DLC1: variants seen among roughly 807,000 people sequenced by gnomAD.
The protein encoded by DLC1 is DLC1 Rho GTPase activating protein.
In DLC1, 54 loss-of-function variants were observed where a neutral mutation model predicts 140.3. The ratio of observed to expected loss-of-function variants is 0.38; its 90% CI spans 0.31 to 0.48. DLC1 has a LOEUF of 0.48. Ranked by LOEUF, DLC1 falls within the 20% of genes least tolerant of loss-of-function variation. DLC1 has a pLI of 0.96. For missense variants in DLC1, 2,536 were observed against 1,907.0 expected (o/e 1.33, Z -6.14); for synonymous variants, 986 against 728.1 (o/e 1.35, Z -5.70).
chr8:13,377,177 T>C (rs1836033103), intron 4 of DLC1, among the ~76,000 whole-genome samples: 1 of 152,216 alleles, frequency 6.6e-6, no homozygotes, highest in Non-Finnish European at 1.5e-5. Context: ...GGGCAGCATC[T>C]TATTTCTGTT....
At chr8:13,424,905 A>G (rs768958714) in intron 2 of DLC1, among the ~76,000 whole-genome samples, 6 of 152,136 alleles carry the variant, frequency 3.9e-5, no homozygotes, top group Non-Finnish European at 5.9e-5. Context: ...ATTTATCGCA[A>G]TCTCTGTGCT....
At chr8:13,226,308 T>C (rs1385866488) in intron 5 of DLC1, among the ~76,000 whole-genome samples, 1 of 152,240 alleles carries the variant, frequency 6.6e-6, no homozygotes, top group East Asian at 1.9e-4. Context: ...CTTTCAGATA[T>C]ATTTTTATAT....
chr8:13,374,441 AAG>A (rs1349800148), intron 4 of DLC1, among the ~76,000 whole-genome samples: 1 of 152,150 alleles, frequency 6.6e-6, no homozygotes, highest in Non-Finnish European at 1.5e-5. Context: ...ATTACATGGC[AAG>A]AGAGTGTATA....
At chr8:13,252,941 C>G (rs775323024) in intron 5 of DLC1, among the ~76,000 whole-genome samples, 1 of 152,152 alleles carries the variant, frequency 6.6e-6, no homozygotes, top group East Asian at 1.9e-4. Flanking sequence ...GAAAGCTAAT[C>G]CTACCCTTCT....
intron 5 of DLC1, among the ~76,000 whole-genome samples, chr8:13,203,581 A>G (rs1827506773): frequency 6.6e-6 from 1 of 152,208 alleles, no homozygotes. Context: ...ACACGTCTGG[A>G]CAGAAGTGTT....
Position 13,085,655 on chromosome 8 carries a change from C to T in DLC1, c.*156G>A. On this transcript the variant is annotated 3_prime_UTR_variant, in exon 18 of 18. Coordinates refer to ENST00000276297, the MANE Select transcript of DLC1 (RefSeq NM_182643.3). Reference sequence around the variant, plus strand: ...CAGACCCTCAACAAACAGGAAGCAGCTTTAAAAATGTATCAAATTGCTATA... The same window carrying T: ...CAGACCCTCAACAAACAGGAAGCAGTTTTAAAAATGTATCAAATTGCTATA... 1.7e-6 allele frequency: 2 copies of T among 1,182,956 alleles called. No individual in the cohort carries two copies. The highest frequency in any genetic ancestry group is 2.3e-6 in the Non-Finnish European group (2 of 866,508). 73.3% of individuals were successfully genotyped at this position (1,182,956 alleles called of 1,614,324 possible).
At chr8:13,175,053 G>A (rs1015406633) in intron 5 of DLC1, among the ~76,000 whole-genome samples, 1 of 152,164 alleles carries the variant, frequency 6.6e-6, no homozygotes, top group African/African-American at 2.4e-5. Flanking sequence ...TACAGTGAAA[G>A]GTAGGGGTCC....
At chr8:13,339,038 G>A (rs973926131) in intron 4 of DLC1, among the ~76,000 whole-genome samples, 3 of 152,128 alleles carry the variant, frequency 2.0e-5, no homozygotes, top group Admixed American at 2.0e-4. Context: ...CTGGTAATAA[G>A]GAAAGGTAAT....
chr8:13,461,903 C>G (rs780862215), intron 2 of DLC1, among the ~76,000 whole-genome samples: 1 of 152,172 alleles, frequency 6.6e-6, no homozygotes, highest in African/African-American at 2.4e-5. Context: ...CTGTGTGATG[C>G]TTCTGTGGAT....
intron 4 of DLC1, among the ~76,000 whole-genome samples, chr8:13,310,491 C>G (rs1018177314): frequency 2.0e-5 from 3 of 152,172 alleles, no homozygotes; most frequent in African/African-American, 7.2e-5. Context: ...AGTGATGGAA[C>G]AGCCTCTGTC....
intron 5 of DLC1, among the ~76,000 whole-genome samples, chr8:13,226,717 C>T (rs1295480829): frequency 6.6e-6 from 1 of 152,144 alleles, no homozygotes; most frequent in South Asian, 2.1e-4. Flanking sequence ...TTTCAGAAAA[C>T]ATCTTTCTCT....
At chr8:13,488,659 T>C (rs189833342) in intron 2 of DLC1, among the ~76,000 whole-genome samples, 74 of 152,330 alleles carry the variant, frequency 4.9e-4, no homozygotes, top group Non-Finnish European at 5.9e-5. Flanking sequence ...GGATCCTCCC[T>C]TAGCCCAAAT....
At chr8:13,402,016 T>C (rs547687074) in intron 2 of DLC1, among the ~76,000 whole-genome samples, 2 of 152,158 alleles carry the variant, frequency 1.3e-5, no homozygotes, top group Non-Finnish European at 2.9e-5. Context: ...GGGATGCATA[T>C]GAGATTATAT....
intron 5 of DLC1, among the ~76,000 whole-genome samples, chr8:13,198,019 G>A (rs949947556): frequency 2.0e-5 from 3 of 151,964 alleles, no homozygotes; most frequent in East Asian, 1.9e-4. Context: ...GGCAGAAACC[G>A]GCTGATAGGT....
chr8:13,589,242 A>G (rs1270107917), intron 1 of DLC1, among the ~76,000 whole-genome samples: 1 of 152,116 alleles, frequency 6.6e-6, no homozygotes, highest in Non-Finnish European at 1.5e-5. Context: ...TTTTAATGTT[A>G]TAATAGAACT....
At chr8:13,152,330 C>T (rs1233651286) in intron 5 of DLC1, among the ~76,000 whole-genome samples, 1 of 152,130 alleles carries the variant, frequency 6.6e-6, no homozygotes, top group Non-Finnish European at 1.5e-5. Context: ...CTTTTTGGTT[C>T]ACCTGCAAAG....
At chr8:13,190,439 C>T (rs1211059407) in intron 5 of DLC1, among the ~76,000 whole-genome samples, 1 of 152,172 alleles carries the variant, frequency 6.6e-6, no homozygotes, top group African/African-American at 2.4e-5. Flanking sequence ...TAAAATCTGT[C>T]TGCAGACAGT....
intron 1 of DLC1, among the ~76,000 whole-genome samples, chr8:13,542,291 A>G (rs1462540610): frequency 2.0e-5 from 3 of 152,170 alleles, no homozygotes; most frequent in African/African-American, 7.2e-5. Context: ...TTCCAGTAGC[A>G]ATTGTTGAAA....
At position 13,102,862 on chromosome 8, in the gene DLC1, C is replaced by T; in HGVS notation, c.1503-9G>A. ...TTAAAGTATTTAGACGCCTATAGAGCAAAGAAATAACGTTAGCAAAGATAG... is the reference window on the plus strand; with the variant it reads ...TTAAAGTATTTAGACGCCTATAGAGTAAAGAAATAACGTTAGCAAAGATAG... On this transcript the variant is annotated splice_polypyrimidine_tract_variant and intron_variant, in intron 7 of 17. Coordinates refer to ENST00000276297, the MANE Select transcript of DLC1 (RefSeq NM_182643.3). The T allele has an allele frequency of 3.1e-6, 5 of 1,612,882 alleles. No homozygotes were observed. Among genetic ancestry groups the T allele is most frequent in the Non-Finnish European group, 4.2e-6 (5 of 1,179,646 alleles).
Sources: gnomAD v4.1 joint callset for allele counts (sites outside exome capture counted in the v4.1 genomes callset) on GRCh38, gnomAD v4.1.1 for gene constraint, MANE v1.5 for transcripts, NCBI Gene and HGNC (gene_info 2026-07-23, HGNC 2026-07-21) for gene names.